The following COQ5 variants were observed in gnomAD, a reference collection of about 807,000 sequenced individuals.
COQ5 encodes coenzyme Q5, methyltransferase.
A neutral mutation model predicts 40.5 loss-of-function variants in COQ5; 27 were observed. The observed-to-expected ratio is 0.67, with a 90% CI of 0.49 to 0.92. The LOEUF (loss-of-function observed/expected upper bound fraction) is 0.92, where lower values mean the gene tolerates loss of function less well. Ranked by LOEUF, COQ5 falls within the 40% of genes least tolerant of loss-of-function variation. The probability of loss-of-function intolerance (pLI) is 0.00; values close to 1 mark genes in which losing one functional copy is unlikely to be tolerated. For missense variants in COQ5, 409 were observed against 406.4 expected, an observed-to-expected ratio of 1.01 and a Z score of -0.06; for synonymous variants, 141 against 150.0, an observed-to-expected ratio of 0.94 and a Z score of 0.44.
chr12:120,514,282 G>A (rs1869275883), intron 3 of COQ5, among the ~76,000 whole-genome samples: 1 of 152,086 alleles, frequency 6.6e-6, no homozygotes, highest in African/African-American at 2.4e-5. Context: ...GGAGGAGGAA[G>A]AGGAGGAAGA....
rs503335 is a variant in COQ5, at chr12:120,522,254, C to T, written c.312G>A (p.Pro104=). ...WKDLLLWKMH[P]LPGTQLLDVA... The stretch of plus-strand genomic sequence containing the variant: ...CATCAAGCAGCTGGGTCCCAGGAAG[C>T]GGGTGCATCTTCCAGAGCAGCAAAT... The change falls in exon 2 of 7, where the codon CCG becomes CCA. Residue 104 remains proline (P), a synonymous_variant. Coordinates refer to ENST00000288532, the MANE Select transcript of COQ5 (RefSeq NM_032314.4). 0.081 allele frequency: 130,004 copies of T among 1,613,872 alleles called. 5,544 individuals carry two copies. The highest frequency in any genetic ancestry group is 0.097 in the South Asian group (8,873 of 91,076).
At chr12:120,509,910 A>G (rs1869050480) in intron 4 of COQ5, 107 bp downstream of exon 4, 1 of 841,808 alleles carries the variant, frequency 1.2e-6, no homozygotes, top group South Asian at 1.4e-5. Context: ...ACATACCAAG[A>G]CCCCATCTCA....
intron 2 of COQ5, among the ~76,000 whole-genome samples, chr12:120,518,610 G>A (rs1869500673): frequency 2.0e-5 from 3 of 150,832 alleles, no homozygotes; most frequent in Admixed American, 1.3e-4. Flanking sequence ...CTATTCCCAG[G>A]CTAGAGTGCA....
At position 120,516,670 on chromosome 12, in the gene COQ5, A is replaced by C. The variant is rs551176128; in HGVS notation, c.471T>G (p.Asn157Lys). 1 of 1,614,096 alleles carries C rather than the reference A, an allele frequency of 6.2e-7. No homozygotes were observed. The highest frequency in any genetic ancestry group is 1.7e-5 in the Admixed American group (1 of 60,004). The change falls in exon 3 of 7, where the codon AAT (asparagine) becomes AAG (lysine). Residue 157 changes from asparagine to lysine, a missense_variant. Transcript: ENST00000288532. Reference protein sequence around the residue: ...SWEEIAKEYQNEEDSLGGSRV... With the variant: ...SWEEIAKEYQKEEDSLGGSRV... Reference sequence around the variant, plus strand: ...GAGACCCGCCCAAGGAATCTTCTTCATTCTGGTACTCTTTGGCAATTTCTT... The same window carrying C: ...GAGACCCGCCCAAGGAATCTTCTTCCTTCTGGTACTCTTTGGCAATTTCTT...
Position 120,510,033 on chromosome 12 carries a change from A to G in COQ5, c.665T>C (p.Val222Ala). The G allele has an allele frequency of 2.5e-6, 4 of 1,613,894 alleles. No individual in the cohort carries two copies. The highest frequency in any genetic ancestry group is 3.4e-6 in the Non-Finnish European group (4 of 1,179,738). The change falls in exon 4 of 7, where the codon GTC becomes GCC. Residue 222 changes from valine to alanine, a missense_variant. Physicochemically the swap from Val to Ala is moderately conservative, Grantham distance 64. Transcript: ENST00000288532. The stretch of plus-strand genomic sequence containing the variant: ...CATTCATACCTGATCAATGTGTGTG[A>G]CATTCCGGATCCCAAAGGCAATGGT... ...IYTIAFGIRN[V>A]THIDQALQEA...
chr12:120,524,512 G>C (rs988256645), intron 1 of COQ5, among the ~76,000 whole-genome samples: 1 of 151,870 alleles, frequency 6.6e-6, no homozygotes, highest in Non-Finnish European at 1.5e-5. Context: ...CGCCCGCCTC[G>C]GCCTCCCAAA....
At chr12:120,523,414 G>A (rs1869773122) in intron 1 of COQ5, 1 of 402,908 alleles carries the variant, frequency 2.5e-6, no homozygotes, top group Non-Finnish European at 4.9e-6. Flanking sequence ...GGGACTGGCT[G>A]TGTGTGGTGT....
intron 1 of COQ5, among the ~76,000 whole-genome samples, chr12:120,527,578 C>T (rs1870008873): frequency 6.6e-6 from 1 of 152,154 alleles, no homozygotes. Flanking sequence ...ACTGTCTGTA[C>T]TGCAATCTCA....
intron 4 of COQ5, among the ~76,000 whole-genome samples, chr12:120,505,846 G>A (rs1565928511): frequency 6.9e-6 from 1 of 143,962 alleles, no homozygotes; most frequent in South Asian, 2.2e-4. Flanking sequence ...GTGAGCCACC[G>A]CACCCAGCCT....
At chr12:120,516,515 A>G in intron 3 of COQ5, 52 bp downstream of exon 3, 1 of 1,393,710 alleles carries the variant, frequency 7.2e-7, no homozygotes, top group Non-Finnish European at 1.0e-6. Context: ...ATTCCACCTT[A>G]TTCTATAAAG....
chr12:120,522,095 T>A (rs1419060069), intron 2 of COQ5, 119 bp downstream of exon 2: 2 of 960,842 alleles, frequency 2.1e-6, no homozygotes, highest in African/African-American at 3.2e-5. Context: ...AAGTTATAAG[T>A]ATGCAGATTT....
chr12:120,508,920 G>C (rs1869006230), intron 4 of COQ5, among the ~76,000 whole-genome samples: 1 of 152,014 alleles, frequency 6.6e-6, no homozygotes, highest in Non-Finnish European at 1.5e-5. Flanking sequence ...AGCTACTCCG[G>C]AGGCTGACGC....
At chr12:120,511,513 C>T (rs368218843) in intron 3 of COQ5, among the ~76,000 whole-genome samples, 23 of 151,368 alleles carry the variant, frequency 1.5e-4, no homozygotes, top group East Asian at 4.0e-4. Flanking sequence ...GAGCTGAGCA[C>T]GGTGGCATGC....
intron 3 of COQ5, among the ~76,000 whole-genome samples, chr12:120,510,477 T>C (rs1341283374): frequency 6.6e-6 from 1 of 151,990 alleles, no homozygotes; most frequent in Admixed American, 6.6e-5. Flanking sequence ...GCCCAGCTAG[T>C]TTTTAAAAAT....
At position 120,516,662 on chromosome 12, in the gene COQ5, T is replaced by C. The variant is rs143435623; in HGVS notation, c.479A>G (p.Asp160Gly). Residue 160 changes from aspartate (D) to glycine (G), a missense_variant, in exon 3 of 7, where the codon GAT becomes GGT. Transcript: ENST00000288532. ...CACGACACGAGACCCGCCCAAGGAA[T>C]CTTCTTCATTCTGGTACTCTTTGGC... ...EIAKEYQNEE[D>G]SLGGSRVVVC... The C allele has an allele frequency of 8.4e-5, 136 of 1,614,140 alleles. No individual in the cohort carries two copies. In the African/African-American group the frequency reaches 1.7e-3, roughly 20 times the overall value.
At chr12:120,516,895 G>GTGCCTC in intron 2 of COQ5, 107 bp from the exon 3 acceptor site, 2 of 946,162 alleles carry the variant, frequency 2.1e-6, no homozygotes, top group Non-Finnish European at 3.4e-6. Flanking sequence ...AGGAGTACCT[G>GTGCCTC]TGTTAGCTAA....
chr12:120,506,343 C>G (rs555374596), intron 4 of COQ5, among the ~76,000 whole-genome samples: 2 of 151,948 alleles, frequency 1.3e-5, no homozygotes, highest in African/African-American at 4.8e-5. Context: ...GAGATACAGT[C>G]AATTTCTCCA....
At chr12:120,514,320 A>G (rs949350796) in intron 3 of COQ5, among the ~76,000 whole-genome samples, 3 of 151,904 alleles carry the variant, frequency 2.0e-5, no homozygotes, top group African/African-American at 7.3e-5. Flanking sequence ...ATAGACACTC[A>G]TGGTGGGGGA....
rs534953285 is a variant in COQ5 at position 120,518,146 on chromosome 12, C to T, written c.353-1358G>A. On this transcript the variant is annotated intron_variant, in intron 2 of 6. Transcript: ENST00000288532. The stretch of plus-strand genomic sequence containing the variant: ...TTATAATGCTGTTTCCGGCTGGGCT[C>T]GGTGGCTCACGCCTGTGATCCCAGC... Among the ~76,000 whole-genome samples, 16 of 151,794 alleles carry T rather than the reference C, an allele frequency of 1.1e-4. No homozygotes were observed. The South Asian group carries it at 2.1e-3, about 20-fold the overall frequency.
Sources: gnomAD v4.1 joint callset for allele counts (sites outside exome capture counted in the v4.1 genomes callset) on GRCh38, gnomAD v4.1.1 for gene constraint, MANE v1.5 for transcripts, NCBI Gene and HGNC (gene_info 2026-07-23, HGNC 2026-07-21) for gene names.